The following BRAF variants were observed in gnomAD, a reference collection of about 807,000 sequenced individuals.
BRAF encodes the protein serine/threonine-protein kinase B-raf.
A neutral mutation model predicts 104.6 loss-of-function variants in BRAF; 16 were observed. The observed-to-expected ratio is 0.15, with a 90% confidence interval of 0.10 to 0.23. The LOEUF (loss-of-function observed/expected upper bound fraction) is 0.23, where lower values mean the gene tolerates loss of function less well. Among genes scored for constraint, BRAF ranks in the 10% least tolerant of loss-of-function variants. BRAF has a pLI of 1.00. For synonymous variants in BRAF, 310 were observed against 341.6 expected (o/e 0.91, Z 1.02); for missense variants, 541 against 937.3 (o/e 0.58, Z 5.52).
chr7:140,904,564 T>A (rs558604525), intron 1 of BRAF, among the ~76,000 whole-genome samples: 8 of 152,338 alleles, frequency 5.3e-5, no homozygotes, highest in Non-Finnish European at 5.9e-5. Context: ...TTTTTAATCA[T>A]CTAGTTCAAG....
At chr7:140,753,540 T>G (rs1373580811) in intron 15 of BRAF, 147 bp from the exon 15 acceptor site, 20 of 599,554 alleles carry the variant, frequency 3.3e-5, no homozygotes, top group Middle Eastern at 4.5e-4. Context: ...CCTCTTAGAG[T>G]CAATAAGTAT....
chr7:140,720,584 C>T lies in BRAF; in HGVS notation c.*5910G>A. The T allele has an allele frequency of 1.9e-6, 2 of 1,065,572 alleles. No homozygotes were observed. The highest frequency in any genetic ancestry group is 2.3e-6 in the Non-Finnish European group (2 of 879,482). The allele number at this position is 1,065,572 out of a possible 1,614,324, so 66.0% of individuals were successfully genotyped here. On this transcript the variant is annotated 3_prime_UTR_variant, in exon 20 of 20. Transcript: ENST00000644969. ...CTTAGAATAAAAAGCATACTTATTG[C>T]ACTCTTACATTTGATTTCAGGTAAT...
downstream of BRAF, among the ~76,000 whole-genome samples, chr7:140,714,515 G>A (rs934468902): frequency 4.9e-4 from 74 of 152,268 alleles, no homozygotes; most frequent in African/African-American, 1.7e-3. Flanking sequence ...CTACAAGTGT[G>A]TGCCACCACA....
the BRAF span, among the ~76,000 whole-genome samples, chr7:140,713,991 G>A: frequency 1.7e-3 from 266 of 152,214 alleles, no homozygotes; most frequent in Non-Finnish European, 3.1e-3. Flanking sequence ...AGGAGTACCC[G>A]GCCGTGTGAG....
chr7:140,760,969 G>A (rs1201052011), intron 14 of BRAF, among the ~76,000 whole-genome samples: 1 of 152,144 alleles, frequency 6.6e-6, no homozygotes, highest in Non-Finnish European at 1.5e-5. Flanking sequence ...CACTCTGCAG[G>A]ATATTATCCA....
chr7:140,822,777 G>A (rs755102856), intron 3 of BRAF, among the ~76,000 whole-genome samples: 18 of 152,178 alleles, frequency 1.2e-4, no homozygotes, highest in Non-Finnish European at 2.1e-4. Flanking sequence ...CTTTTCTCTT[G>A]GGTAAATACC....
At chr7:140,825,496 T>A (rs1021295297) in intron 3 of BRAF, among the ~76,000 whole-genome samples, 3 of 152,334 alleles carry the variant, frequency 2.0e-5, no homozygotes, top group Non-Finnish European at 1.5e-5. Flanking sequence ...AAACCCCAGG[T>A]CACAAAAATT....
chr7:140,801,039 C>T (rs570082987), intron 6 of BRAF: 361 of 214,938 alleles, frequency 1.7e-3, no homozygotes, highest in Non-Finnish European at 2.3e-3. Context: ...AGAATATAAA[C>T]GTAATTTACA....
intron 1 of BRAF, among the ~76,000 whole-genome samples, chr7:140,888,822 C>T (rs757634820): frequency 4.7e-5 from 7 of 149,206 alleles, no homozygotes; most frequent in Non-Finnish European, 8.9e-5. Context: ...GCAACAAAAG[C>T]AAAACTCCGT....
chr7:140,923,337 C>A (rs1818435109), intron 1 of BRAF, among the ~76,000 whole-genome samples: 1 of 152,046 alleles, frequency 6.6e-6, no homozygotes, highest in African/African-American at 2.4e-5. Flanking sequence ...AATTATTATA[C>A]CATATCTTAT....
chr7:140,839,437 A>G (rs1183177589), intron 2 of BRAF, among the ~76,000 whole-genome samples: 1 of 152,144 alleles, frequency 6.6e-6, no homozygotes, highest in Non-Finnish European at 1.5e-5. Flanking sequence ...CTCTTTAGAA[A>G]TGCAATTATA....
Position 140,794,413 on chromosome 7 carries a change from G to T in BRAF, c.1035C>A (p.Pro345=), listed in dbSNP as rs1443155060. Residue 345 remains proline, a synonymous_variant, in exon 8 of 20, where the codon CCC becomes CCA. Transcript: ENST00000644969. ...SPSKSIPIPQ[P]FRPADEDHRN... is the part of the protein sequence containing the mutation. ...GATGATCTTCATCTGCTGGTCGGAA[G>T]GGCTGTGGAATTGGAATGGATTTTG... 8 of 1,614,040 alleles carry T rather than the reference G, an allele frequency of 5.0e-6. No homozygotes were observed. Among genetic ancestry groups the T allele is most frequent in the Non-Finnish European group, 6.8e-6 (8 of 1,180,010 alleles).
chr7:140,717,512 T>G (rs538499299), downstream of BRAF, among the ~76,000 whole-genome samples: 25 of 152,290 alleles, frequency 1.6e-4, no homozygotes, highest in Admixed American at 3.3e-4. Context: ...CCTCCCAAAG[T>G]GCTGGGATTT....
At chr7:140,740,286 AAT>A in intron 17 of BRAF, 1 of 211,520 alleles carries the variant, frequency 4.7e-6, no homozygotes, top group Non-Finnish European at 9.6e-6. Context: ...AAAAAAAAAA[AAT>A]TTATTCAGCA....
intron 1 of BRAF, among the ~76,000 whole-genome samples, chr7:140,897,606 T>C (rs1307482879): frequency 6.7e-6 from 1 of 149,704 alleles, no homozygotes; most frequent in African/African-American, 2.5e-5. Flanking sequence ...GCAATTCTCC[T>C]GCCTCAGGCT....
intron 16 of BRAF, 68 bp from the exon 16 acceptor site, chr7:140,749,486 T>G (rs772369897): frequency 1.1e-4 from 166 of 1,523,506 alleles, no homozygotes; most frequent in Non-Finnish European, 1.4e-4. Context: ...CAACCTACTA[T>G]AATTCCTAGA....
intron 1 of BRAF, among the ~76,000 whole-genome samples, chr7:140,854,502 T>C (rs1299480796): frequency 1.3e-5 from 2 of 152,082 alleles, no homozygotes; most frequent in Admixed American, 6.6e-5. Flanking sequence ...CTTTTTTTTT[T>C]CAATGTTCCA....
chr7:140,754,051 G>A (rs1798004414), intron 15 of BRAF, 136 bp downstream of exon 14: 1 of 939,502 alleles, frequency 1.1e-6, no homozygotes, highest in South Asian at 1.4e-5. Context: ...ATACATGCAT[G>A]CACAATCCTT....
At chr7:140,734,807 G>GAAAA (rs1562931344) in intron 18 of BRAF, 37 bp from the exon 18 acceptor site, 6 of 871,182 alleles carry the variant, frequency 6.9e-6, no homozygotes, top group East Asian at 3.8e-5. Context: ...GAAAAAAAAA[G>GAAAA]AAAAAAGAAA....
Sources: gnomAD v4.1 joint callset for allele counts (sites outside exome capture counted in the v4.1 genomes callset) on GRCh38, gnomAD v4.1.1 for gene constraint, MANE v1.5 for transcripts, NCBI Gene and HGNC (gene_info 2026-07-23, HGNC 2026-07-21) for gene names.